Variants in WDFY2 observed in about 807,000 individuals in gnomAD.
WDFY2 encodes WD repeat and FYVE domain-containing protein 2.
A neutral mutation model predicts 56.4 loss-of-function variants in WDFY2; 36 were observed. That is an observed-to-expected ratio of 0.64 (90% CI 0.49 to 0.84). The LOEUF (loss-of-function observed/expected upper bound fraction) is 0.84, where lower values mean the gene tolerates loss of function less well. Ranked by LOEUF, WDFY2 falls within the 40% of genes least tolerant of loss-of-function variation. The probability of loss-of-function intolerance (pLI) is 0.00; values close to 1 mark genes in which losing one functional copy is unlikely to be tolerated. For missense variants in WDFY2, 444 were observed against 512.2 expected, an observed-to-expected ratio of 0.87 and a Z score of 1.29; for synonymous variants, 176 against 183.7, an observed-to-expected ratio of 0.96 and a Z score of 0.34.
chr13:51,650,999 C>T (rs575701262), intron 1 of WDFY2, among the ~76,000 whole-genome samples: 11 of 152,324 alleles, frequency 7.2e-5, no homozygotes, highest in Admixed American at 2.6e-4. Flanking sequence ...GCACCAGCTC[C>T]TCCTTGTACC....
chr13:51,620,490 C>T (rs898317063), intron 1 of WDFY2, among the ~76,000 whole-genome samples: 1 of 152,060 alleles, frequency 6.6e-6, no homozygotes, highest in Non-Finnish European at 1.5e-5. Flanking sequence ...CTGTCTTATC[C>T]TTCATCCTGC....
intron 2 of WDFY2, among the ~76,000 whole-genome samples, chr13:51,662,875 A>G (rs1955639853): frequency 1.3e-5 from 2 of 152,224 alleles, no homozygotes; most frequent in South Asian, 4.1e-4. Flanking sequence ...ATAGAGTTAA[A>G]AAGGGATTAC....
At chr13:51,664,266 TCCG>T (rs1270595909) in intron 2 of WDFY2, among the ~76,000 whole-genome samples, 2 of 152,138 alleles carry the variant, frequency 1.3e-5, no homozygotes, top group African/African-American at 4.8e-5. Flanking sequence ...AAGCTCCTCC[TCCG>T]TAGAAGGGAG....
Position 51,719,321 on chromosome 13 carries a change from G to A in WDFY2, c.458G>A (p.Arg153Gln), listed in dbSNP as rs373621913. Reference sequence around the variant, plus strand: ...AGTGGGCAGCGCCTGGGAGGTTATCGGACCAGTGCTGTGGCCTCAGGCCTG... The same window carrying A: ...AGTGGGCAGCGCCTGGGAGGTTATCAGACCAGTGCTGTGGCCTCAGGCCTG... ...SESGQRLGGY[R>Q]TSAVASGLQF... The change falls in exon 5 of 12, where the codon CGG becomes CAG. Residue 153 changes from arginine (R) to glutamine (Q), a missense_variant. Physicochemically the swap from Arg to Gln is conservative, Grantham distance 43. Coordinates refer to ENST00000298125, the MANE Select transcript of WDFY2 (RefSeq NM_052950.4). 64 of 1,609,122 alleles carry A rather than the reference G, an allele frequency of 4.0e-5. No homozygotes were observed. Among genetic ancestry groups the A allele is most frequent in the African/African-American group, 2.3e-4 (17 of 74,814 alleles).
chr13:51,727,579 A>G, intron 5 of WDFY2, 99 bp from the exon 6 acceptor site: 1 of 1,097,560 alleles, frequency 9.1e-7, no homozygotes, highest in Admixed American at 2.2e-5. Flanking sequence ...TTTTCCTCAG[A>G]TGGGATTTGC....
chr13:51,664,499 A>T (rs540917169), intron 2 of WDFY2, among the ~76,000 whole-genome samples: 1 of 152,340 alleles, frequency 6.6e-6, no homozygotes, highest in Admixed American at 6.5e-5. Flanking sequence ...GGGAAGGAAG[A>T]ACATCTGGCT....
intron 1 of WDFY2, chr13:51,589,029 T>C (rs1466733721): frequency 6.6e-6 from 1 of 152,224 alleles, no homozygotes; most frequent in East Asian, 1.9e-4. Context: ...TAGGCCCTGC[T>C]GTGTTCTCTC....
At chr13:51,701,849 A>T (rs1284799262) in intron 3 of WDFY2, among the ~76,000 whole-genome samples, 2 of 152,116 alleles carry the variant, frequency 1.3e-5, no homozygotes, top group Admixed American at 6.5e-5. Context: ...CAATAAATTT[A>T]TTTGTGTATG....
At chr13:51,743,505 G>A (rs954443418) in intron 7 of WDFY2, among the ~76,000 whole-genome samples, 5 of 152,156 alleles carry the variant, frequency 3.3e-5, no homozygotes, top group Admixed American at 1.3e-4. Flanking sequence ...GTTAAATGGC[G>A]GTTGTTAAGA....
chr13:51,756,424 G>A lies in WDFY2; in HGVS notation c.1026G>A (p.Arg342=), dbSNP rs768376363. Residue 342 remains arginine, a synonymous_variant, in exon 10 of 12, where the codon AGG becomes AGA. Coordinates refer to ENST00000298125, the MANE Select transcript of WDFY2 (RefSeq NM_052950.4). ...TGATGGGCTTCGAGTTTGAAGTGAG[G>A]GTCTGTGACAGCTGCCACGAGGCCA... is the stretch of plus-strand genomic sequence containing the variant. ...IPLMGFEFEV[R]VCDSCHEAIT... 3.1e-6 allele frequency: 5 copies of A among 1,613,926 alleles called. No individual in the cohort carries two copies. Among genetic ancestry groups the A allele is most frequent in the East Asian group, 2.2e-5 (1 of 44,890 alleles).
chr13:51,620,863 C>G (rs182050942), intron 1 of WDFY2, among the ~76,000 whole-genome samples: 79 of 152,260 alleles, frequency 5.2e-4, no homozygotes, highest in African/African-American at 1.7e-3. Context: ...GGAAGTCGGA[C>G]GCACTCATCT....
intron 3 of WDFY2, among the ~76,000 whole-genome samples, chr13:51,681,378 G>A (rs1389875698): frequency 5.9e-5 from 9 of 152,152 alleles, no homozygotes; most frequent in Non-Finnish European, 1.3e-4. Context: ...TCCTTATCAT[G>A]TGGGCATAGA....
At chr13:51,734,489 G>A (rs925345550) in intron 6 of WDFY2, among the ~76,000 whole-genome samples, 3 of 152,172 alleles carry the variant, frequency 2.0e-5, no homozygotes, top group African/African-American at 7.2e-5. Context: ...GTATATAGTA[G>A]TATACATTGT....
intron 1 of WDFY2, among the ~76,000 whole-genome samples, chr13:51,644,338 C>T: frequency 6.6e-6 from 1 of 152,172 alleles, no homozygotes; most frequent in Non-Finnish European, 1.5e-5. Flanking sequence ...CTACTGACTG[C>T]TTAAGACAAC....
rs1221034333 is a variant in WDFY2, at chr13:51,621,461, C to T, written c.137+36637C>T. Among the ~76,000 whole-genome samples, 7 of 152,200 alleles carry T rather than the reference C, an allele frequency of 4.6e-5. No individual in the cohort carries two copies. In the East Asian group the frequency reaches 7.7e-4, roughly 17 times the overall value. On this transcript the variant is annotated intron_variant, in intron 1 of 11. Transcript: ENST00000298125. ...CGGAGTTTGCAGTGAGCCAAGATCG[C>T]GCCACTGCACTGCAGCTTGGGCGAC...
At chr13:51,610,260 G>T in intron 1 of WDFY2, among the ~76,000 whole-genome samples, 1 of 147,560 alleles carries the variant, frequency 6.8e-6, no homozygotes, top group Non-Finnish European at 1.5e-5. Flanking sequence ...TTTTTGGGGG[G>T]CTAAAAGCCC....
intron 7 of WDFY2, among the ~76,000 whole-genome samples, chr13:51,739,773 G>A (rs1952926286): frequency 6.6e-6 from 1 of 152,166 alleles, no homozygotes; most frequent in Non-Finnish European, 1.5e-5. Flanking sequence ...GAGATGTCCG[G>A]TCCCTGTCTG....
chr13:51,616,761 T>C (rs1298643753), intron 1 of WDFY2, among the ~76,000 whole-genome samples: 1 of 152,222 alleles, frequency 6.6e-6, no homozygotes, highest in African/African-American at 2.4e-5. Context: ...TATCGTGTGC[T>C]TAGAAGGAGG....
chr13:51,712,325 A>G (rs953416484), intron 4 of WDFY2, among the ~76,000 whole-genome samples: 3 of 152,164 alleles, frequency 2.0e-5, no homozygotes, highest in African/African-American at 7.2e-5. Flanking sequence ...GAGGGATAAC[A>G]TTAGGAGAAA....
Sources: gnomAD v4.1 joint callset for allele counts (sites outside exome capture counted in the v4.1 genomes callset) on GRCh38, gnomAD v4.1.1 for gene constraint, MANE v1.5 for transcripts, NCBI Gene and HGNC (gene_info 2026-07-23, HGNC 2026-07-21) for gene names.